Variants in TCF12 observed in about 807,000 individuals in gnomAD.
The protein encoded by TCF12 is transcription factor 12, also known as DNA-binding protein HTF4.
TCF12 carries 45 observed loss-of-function variants against 86.0 expected under a neutral mutation model. That is an observed-to-expected ratio of 0.52 (90% CI 0.41 to 0.67). TCF12 has a LOEUF of 0.67. Among genes scored for constraint, TCF12 ranks in the 30% least tolerant of loss-of-function variants. The pLI is 0.00. For missense variants in TCF12, 881 were observed against 859.9 expected (o/e 1.02, Z -0.31); for synonymous variants, 330 against 299.6 (o/e 1.10, Z -1.05).
At chr15:57,095,989 A>G (rs1160498863) in intron 5 of TCF12, among the ~76,000 whole-genome samples, 1 of 152,190 alleles carries the variant, frequency 6.6e-6, no homozygotes, top group African/African-American at 2.4e-5. Context: ...TTAAAACTAA[A>G]TGTAGAACTC....
At chr15:57,041,694 G>T (rs747125730) in intron 3 of TCF12, among the ~76,000 whole-genome samples, 6 of 151,960 alleles carry the variant, frequency 3.9e-5, no homozygotes, top group Non-Finnish European at 7.4e-5. Flanking sequence ...GCTTATTTTG[G>T]CAACTCTTGG....
At chr15:57,232,682 A>G (rs1364544041) in intron 10 of TCF12, 30 bp from the exon 11 acceptor site, 34 of 1,596,638 alleles carry the variant, frequency 2.1e-5, no homozygotes, top group South Asian at 4.5e-5. Flanking sequence ...CAGAAAATAT[A>G]TTTAATAGAT....
chr15:57,017,709 A>G (rs79077753), intron 3 of TCF12, among the ~76,000 whole-genome samples: 6,266 of 149,610 alleles, frequency 0.042, 366 homozygotes, highest in African/African-American at 0.13. Flanking sequence ...GAGATGTGAG[A>G]AGGTCTAATT....
chr15:56,992,175 G>A (rs901961570), intron 3 of TCF12, among the ~76,000 whole-genome samples: 7 of 152,172 alleles, frequency 4.6e-5, no homozygotes, highest in African/African-American at 1.4e-4. Flanking sequence ...GGAGGCTGAG[G>A]TGGGAGGATG....
At chr15:56,988,258 G>A (rs2063287272) in intron 3 of TCF12, among the ~76,000 whole-genome samples, 1 of 152,102 alleles carries the variant, frequency 6.6e-6, no homozygotes, top group Admixed American at 6.6e-5. Flanking sequence ...TTCATAGATT[G>A]TACTTACATA....
intron 5 of TCF12, among the ~76,000 whole-genome samples, chr15:57,124,705 T>A (rs2051505189): frequency 6.6e-6 from 1 of 151,444 alleles, no homozygotes; most frequent in African/African-American, 2.4e-5. Flanking sequence ...TGAGACAGAG[T>A]CTCACTCTGT....
chr15:57,171,554 A>G (rs1306057596), intron 6 of TCF12, among the ~76,000 whole-genome samples: 5 of 152,248 alleles, frequency 3.3e-5, no homozygotes, highest in African/African-American at 1.2e-4. Context: ...CTCTGCTATT[A>G]ATGTACATAA....
At chr15:56,921,396 C>G (rs979100572) in intron 3 of TCF12, among the ~76,000 whole-genome samples, 1 of 151,746 alleles carries the variant, frequency 6.6e-6, no homozygotes, top group Non-Finnish European at 1.5e-5. Context: ...GAATCCTTTC[C>G]TATATCCAGA....
chr15:57,166,669 A>G (rs1567550267), intron 6 of TCF12, among the ~76,000 whole-genome samples: 1 of 152,224 alleles, frequency 6.6e-6, no homozygotes, highest in Non-Finnish European at 1.5e-5. Flanking sequence ...AAAGATTTTC[A>G]TAACCCACCT....
intron 6 of TCF12, among the ~76,000 whole-genome samples, chr15:57,191,858 C>T (rs372769916): frequency 4.6e-5 from 7 of 151,254 alleles, no homozygotes; most frequent in East Asian, 2.0e-4. Context: ...CGCTTGAACA[C>T]GGGAGGCAGA....
chr15:57,052,412 T>G (rs986989430), intron 3 of TCF12, among the ~76,000 whole-genome samples: 1 of 151,794 alleles, frequency 6.6e-6, no homozygotes, highest in African/African-American at 2.4e-5. Context: ...CAGAGGCAGG[T>G]GGATAACCTG....
intron 5 of TCF12, among the ~76,000 whole-genome samples, chr15:57,123,982 A>AAAAAAAAAAAAAAAAAAAAAAC (rs1555511574): frequency 9.0e-6 from 1 of 111,214 alleles, no homozygotes. Context: ...AAAAAAAAAA[A>AAAAAAAAAAAAAAAAAAAAAAC]TTTTTTTTTT....
chr15:56,980,238 C>G (rs1361177709), intron 3 of TCF12, among the ~76,000 whole-genome samples: 1 of 152,044 alleles, frequency 6.6e-6, no homozygotes, highest in East Asian at 1.9e-4. Context: ...AGTGGCATGC[C>G]CTTCCGTCTC....
intron 5 of TCF12, among the ~76,000 whole-genome samples, chr15:57,153,512 G>A (rs4774911): frequency 0.051 from 7,780 of 152,034 alleles, 367 homozygotes; most frequent in African/African-American, 0.13. Context: ...AAAGACATAC[G>A]TTTCATCCTT....
chr15:57,006,039 A>G (rs1207241562), intron 3 of TCF12, among the ~76,000 whole-genome samples: 1 of 152,168 alleles, frequency 6.6e-6, no homozygotes, highest in East Asian at 1.9e-4. Flanking sequence ...CTGTAAGGTC[A>G]TTTATGACAA....
intron 14 of TCF12, 44 bp from the exon 15 acceptor site, chr15:57,252,377 T>C: frequency 1.3e-6 from 2 of 1,518,686 alleles, no homozygotes; most frequent in Non-Finnish European, 1.8e-6. Flanking sequence ...TTGGAGTTAA[T>C]CTTAACCTGT....
chr15:57,285,604 A>C (rs1407317431), intron 20 of TCF12, among the ~76,000 whole-genome samples: 3 of 151,990 alleles, frequency 2.0e-5, no homozygotes, highest in African/African-American at 7.3e-5. Context: ...GCAGCAGCAA[A>C]TTGAGGGCTT....
At chr15:57,063,938 A>G (rs376802784) in intron 4 of TCF12, 115 bp downstream of exon 4, 3 of 826,596 alleles carry the variant, frequency 3.6e-6, no homozygotes, top group Non-Finnish European at 3.9e-6. Flanking sequence ...ATGGAAATGC[A>G]GTAGAATACC....
intron 3 of TCF12, among the ~76,000 whole-genome samples, chr15:57,005,789 C>G (rs1354558074): frequency 2.0e-5 from 3 of 152,054 alleles, no homozygotes; most frequent in Non-Finnish European, 4.4e-5. Flanking sequence ...AGGCTGGTCT[C>G]GAACTCCTGA....
Sources: allele counts gnomAD v4.1 joint callset (sites outside exome capture counted in the v4.1 genomes callset), GRCh38; gene constraint gnomAD v4.1.1; transcripts MANE v1.5; gene names NCBI Gene and HGNC (gene_info 2026-07-23, HGNC 2026-07-21).